C3orf49: variants seen among roughly 807,000 people sequenced by gnomAD.
The protein encoded by C3orf49 is putative uncharacterized protein C3orf49.
A neutral mutation model predicts 13.3 loss-of-function variants in C3orf49; 27 were observed. That is an observed-to-expected ratio of 2.02 (90% CI 1.49 to 2.79). The LOEUF (loss-of-function observed/expected upper bound fraction) is 2.79. Among genes scored for constraint, C3orf49 ranks in the 30% most tolerant of loss-of-function variants. The pLI, the probability that C3orf49 is intolerant of heterozygous loss-of-function variation, is 0.00. For missense variants in C3orf49, 242 were observed against 134.2 expected, an observed-to-expected ratio of 1.80 and a Z score of -3.97; for synonymous variants, 87 against 47.6, an observed-to-expected ratio of 1.83 and a Z score of -3.40.
At chr3:63,795,295 C>T in the C3orf49 span, among the ~76,000 whole-genome samples, 5 of 152,286 alleles carry the variant, frequency 3.3e-5, no homozygotes, top group East Asian at 9.7e-4. Flanking sequence ...TGGGAAACGT[C>T]TAGGGGGTAT....
At chr3:63,847,762 C>G (rs755275444) in intron 6 of C3orf49, among the ~76,000 whole-genome samples, 6 of 152,030 alleles carry the variant, frequency 3.9e-5, no homozygotes, top group African/African-American at 7.2e-5. Flanking sequence ...AAAACAAACT[C>G]TGACATAACT....
the C3orf49 span, among the ~76,000 whole-genome samples, chr3:63,786,782 G>C: frequency 6.6e-6 from 1 of 152,148 alleles, no homozygotes; most frequent in Non-Finnish European, 1.5e-5. Context: ...AGAAACACAG[G>C]CTTAGAAATT....
intron 1 of C3orf49, among the ~76,000 whole-genome samples, chr3:63,821,311 C>T (rs1701391095): frequency 1.3e-5 from 2 of 152,060 alleles, no homozygotes; most frequent in Admixed American, 6.6e-5. Flanking sequence ...GAGAGTAGTA[C>T]ATATGCTACT....
upstream of C3orf49, among the ~76,000 whole-genome samples, chr3:63,814,654 C>T (rs371797346): frequency 8.5e-5 from 13 of 152,088 alleles, no homozygotes; most frequent in East Asian, 1.7e-3. Flanking sequence ...ACAGGGATAG[C>T]TCCAAGCCAT....
chr3:63,781,478 T>G, the C3orf49 span, among the ~76,000 whole-genome samples: 1 of 152,160 alleles, frequency 6.6e-6, no homozygotes, highest in Non-Finnish European at 1.5e-5. Flanking sequence ...TGCGGGCTCT[T>G]TTTTGGTTCC....
the C3orf49 span, among the ~76,000 whole-genome samples, chr3:63,789,484 G>C: frequency 6.6e-6 from 1 of 152,108 alleles, no homozygotes; most frequent in African/African-American, 2.4e-5. Context: ...ATGTAGAGTA[G>C]AATATCACTT....
At chr3:63,834,280 T>C (rs1701582288) in intron 5 of C3orf49, 4 of 1,372,926 alleles carry the variant, frequency 2.9e-6, no homozygotes, top group Non-Finnish European at 4.1e-6. Context: ...AACATGTTTA[T>C]CCTTTATTAG....
At chr3:63,805,689 A>G in the C3orf49 span, among the ~76,000 whole-genome samples, 1 of 152,222 alleles carries the variant, frequency 6.6e-6, no homozygotes, top group African/African-American at 2.4e-5. Context: ...TTACAAACCC[A>G]CATCTTATAA....
At chr3:63,825,915 A>G (rs1177009945) in intron 2 of C3orf49, among the ~76,000 whole-genome samples, 1 of 152,202 alleles carries the variant, frequency 6.6e-6, no homozygotes, top group Non-Finnish European at 1.5e-5. Context: ...AGGCTTCCCC[A>G]AGGAAGGGAC....
At chr3:63,812,731 C>T in the C3orf49 span, among the ~76,000 whole-genome samples, 3 of 152,078 alleles carry the variant, frequency 2.0e-5, no homozygotes, top group South Asian at 2.1e-4. Flanking sequence ...AAATTTAAAC[C>T]GTTGTTATTA....
At position 63,819,513 on chromosome 3, in the gene C3orf49, T is replaced by C. The variant is rs1264205836; in HGVS notation, c.42T>C (p.Ile14=). The change falls in exon 1 of 7, where the codon ATT becomes ATC. Residue 14 remains isoleucine, a synonymous_variant. Coordinates refer to ENST00000295896, the MANE Select transcript of C3orf49 (RefSeq NM_001355236.2). ...TGTATCTACCAGAACCCTTTAAGAT[T>C]GCCTACAGAAAAGTTGGACAGTGCC... ...PQLYLPEPFK[I]AYRKVGQCRR... 1 of 703,034 alleles carries C rather than the reference T, an allele frequency of 1.4e-6. No individual in the cohort carries two copies. 43.5% of individuals were successfully genotyped at this position (703,034 alleles called of 1,614,324 possible). A position where few individuals can be genotyped will look rare whatever the true frequency, so the allele number is the denominator to read the frequency against.
the C3orf49 span, among the ~76,000 whole-genome samples, chr3:63,811,076 G>C: frequency 6.6e-6 from 1 of 152,116 alleles, no homozygotes; most frequent in Admixed American, 6.5e-5. Flanking sequence ...TCAAACTTCT[G>C]ACCTCAAGTG....
chr3:63,821,360 A>G (rs1204314247), intron 1 of C3orf49, among the ~76,000 whole-genome samples: 1 of 152,192 alleles, frequency 6.6e-6, no homozygotes, highest in Non-Finnish European at 1.5e-5. Flanking sequence ...TATGAAGAAC[A>G]TTGTTAATGG....
At chr3:63,827,492 C>T (rs1701478634) in intron 2 of C3orf49, 109 bp from the exon 3 acceptor site, 2 of 561,712 alleles carry the variant, frequency 3.6e-6, no homozygotes, top group Admixed American at 6.0e-5. Context: ...AAAAAAAAAG[C>T]CACTGAAGCA....
At chr3:63,789,653 AT>A in the C3orf49 span, among the ~76,000 whole-genome samples, 1 of 151,868 alleles carries the variant, frequency 6.6e-6, no homozygotes, top group Non-Finnish European at 1.5e-5. Context: ...TCTACTAAAA[AT>A]ACAAAAATTA....
At chr3:63,811,426 C>T in the C3orf49 span, among the ~76,000 whole-genome samples, 1 of 151,778 alleles carries the variant, frequency 6.6e-6, no homozygotes, top group Non-Finnish European at 1.5e-5. Context: ...AGCATGGGGG[C>T]GGAGGCCTGT....
chr3:63,826,551 G>T (rs1388397805), intron 2 of C3orf49, among the ~76,000 whole-genome samples: 1 of 152,116 alleles, frequency 6.6e-6, no homozygotes, highest in Admixed American at 6.5e-5. Flanking sequence ...TAAGTCATGA[G>T]TTCTGGCTAG....
At chr3:63,808,273 T>C in the C3orf49 span, among the ~76,000 whole-genome samples, 1 of 152,218 alleles carries the variant, frequency 6.6e-6, no homozygotes, top group Non-Finnish European at 1.5e-5. Context: ...ATGTAGAGTT[T>C]CTTTTTACAT....
chr3:63,787,533 AC>A, the C3orf49 span, among the ~76,000 whole-genome samples: 1 of 152,114 alleles, frequency 6.6e-6, no homozygotes, highest in African/African-American at 2.4e-5. Context: ...AAAATTCAAT[AC>A]CCTTTTTTAA....
Sources: allele counts gnomAD v4.1 joint callset (sites outside exome capture counted in the v4.1 genomes callset), GRCh38; gene constraint gnomAD v4.1.1; transcripts MANE v1.5; gene names NCBI Gene and HGNC (gene_info 2026-07-23, HGNC 2026-07-21).